Variants in DIO2 observed in about 807,000 individuals in gnomAD.
DIO2 encodes the protein type II iodothyronine deiodinase.
Under a neutral mutation model 21.4 loss-of-function variants are expected in DIO2, and 19 were observed. That is an observed-to-expected ratio of 0.89 (90% CI 0.62 to 1.30). DIO2 has a LOEUF of 1.30. Ranked by LOEUF, DIO2 falls within the 50% of genes most tolerant of loss-of-function variation. The pLI is 0.00. For synonymous variants in DIO2, 122 were observed against 132.9 expected, an observed-to-expected ratio of 0.92 and a Z score of 0.57; for missense variants, 302 against 338.1, an observed-to-expected ratio of 0.89 and a Z score of 0.84.
At chr14:80,209,990 T>TA (rs1303485586) in intron 1 of DIO2, among the ~76,000 whole-genome samples, 5 of 152,186 alleles carry the variant, frequency 3.3e-5, no homozygotes, top group African/African-American at 1.2e-4. Context: ...GCGTCTCTAT[T>TA]ATTTCGAGTT....
intron 2 of DIO2, among the ~76,000 whole-genome samples, chr14:80,222,154 A>C (rs1468107393): frequency 2.6e-5 from 4 of 152,226 alleles, no homozygotes; most frequent in African/African-American, 9.6e-5. Context: ...ATGTACATTA[A>C]ATTTTGTAGG....
chr14:80,228,620 G>A (rs1888624772), intron 2 of DIO2, among the ~76,000 whole-genome samples: 1 of 152,198 alleles, frequency 6.6e-6, no homozygotes, highest in Admixed American at 6.5e-5. Context: ...ATTCTATTTG[G>A]CTTTTCCCAC....
Position 80,221,517 on chromosome 14 carries a change from C to T in DIO2, c.-277-4780G>A, listed in dbSNP as rs1339288671. The stretch of plus-strand genomic sequence containing the variant: ...TTTTTAATGGTATGCAGTACACATG[C>T]TGACTCAGAGTAAGATTGCTTTCTA... On this transcript the variant is annotated intron_variant, in intron 2 of 4. Transcript: ENST00000553594. Among the ~76,000 whole-genome samples, 4 of 152,222 alleles carry T rather than the reference C, an allele frequency of 2.6e-5. No homozygotes were observed. The South Asian group carries it at 6.2e-4, about 24-fold the overall frequency.
chr14:80,224,186 C>A (rs1594883069), intron 2 of DIO2, among the ~76,000 whole-genome samples: 1 of 152,020 alleles, frequency 6.6e-6, no homozygotes, highest in African/African-American at 2.4e-5. Flanking sequence ...AACCAATACT[C>A]GGGGAAGGGT....
intron 1 of DIO2, chr14:80,205,613 T>A (rs1407543048): frequency 2.0e-5 from 26 of 1,330,114 alleles, no homozygotes; most frequent in Non-Finnish European, 2.6e-5. Flanking sequence ...TGCAGTAAAT[T>A]TTCTTGGAAA....
upstream of DIO2, chr14:80,216,104 T>G (rs1033774951): frequency 6.6e-6 from 1 of 152,272 alleles, no homozygotes; most frequent in Admixed American, 6.5e-5. Context: ...TGTTAATGCA[T>G]TCTTCCCTCA....
Position 80,200,954 on chromosome 14 carries a change from C to T in DIO2, c.*1735G>A, listed in dbSNP as rs1745556259. The stretch of plus-strand genomic sequence containing the variant: ...CTATCCATTTTATTTATTTTTTATT[C>T]AGTTATTAATGGAATGGACAAAAGA... On this transcript the variant is annotated 3_prime_UTR_variant, in exon 2 of 2. Transcript: ENST00000438257. The T allele has an allele frequency of 6.6e-6, 1 of 151,486 alleles. No homozygotes were observed. The highest frequency in any genetic ancestry group is 1.5e-5 in the Non-Finnish European group (1 of 67,888). 9.4% of individuals were successfully genotyped at this position (151,486 alleles called of 1,614,324 possible).
intron 1 of DIO2, among the ~76,000 whole-genome samples, chr14:80,206,951 A>G (rs1360080931): frequency 6.6e-6 from 1 of 152,192 alleles, no homozygotes; most frequent in Non-Finnish European, 1.5e-5. Flanking sequence ...AAGAAGCATC[A>G]TTTCCACTAA....
At chr14:80,212,506 A>G (rs1431766088), upstream of DIO2, among the ~76,000 whole-genome samples, 2 of 152,198 alleles carry the variant, frequency 1.3e-5, no homozygotes, top group African/African-American at 2.4e-5. Context: ...TCTTCTGATT[A>G]TCATTATCAT....
upstream of DIO2, chr14:80,211,536 A>T: frequency 1.3e-4 from 34 of 258,760 alleles, no homozygotes; most frequent in East Asian, 6.2e-4. Flanking sequence ...CTTATTTAAA[A>T]GGGGGGTGGT....
chr14:80,205,179 G>A (rs1341806569), intron 1 of DIO2, among the ~76,000 whole-genome samples: 2 of 151,990 alleles, frequency 1.3e-5, no homozygotes, highest in African/African-American at 2.4e-5. Flanking sequence ...CTTTTAAGCC[G>A]TGAGTTCTTT....
upstream of DIO2, among the ~76,000 whole-genome samples, chr14:80,215,127 A>G (rs1348578929): frequency 1.3e-5 from 2 of 152,218 alleles, no homozygotes. Context: ...AGCAATCAAC[A>G]TGTAATGAGT....
chr14:80,225,739 G>T (rs1376461244), intron 2 of DIO2, among the ~76,000 whole-genome samples: 2 of 152,106 alleles, frequency 1.3e-5, no homozygotes, highest in Non-Finnish European at 2.9e-5. Flanking sequence ...GTCCTGCCTG[G>T]ATTGGGCTGT....
intron 2 of DIO2, chr14:80,216,878 A>T (rs1013856794): frequency 5.9e-5 from 9 of 152,206 alleles, no homozygotes; most frequent in African/African-American, 2.2e-4. Flanking sequence ...TTAAAATAAA[A>T]TAGGTCATTC....
intron 1 of DIO2, among the ~76,000 whole-genome samples, chr14:80,210,923 A>T (rs772326842): frequency 6.6e-6 from 1 of 152,212 alleles, no homozygotes; most frequent in Non-Finnish European, 1.5e-5. Context: ...TAAATGCAGC[A>T]GTCTCCTCTT....
In DIO2 at chr14:80,201,079, C is replaced by T. The variant is rs1056410048; in HGVS notation, c.*1610G>A. Reference sequence around the variant, plus strand: ...ATGATACGAAAGTGGTTGGTCCATTCTTTTGGGAGCTATAATCTTTAAATA... The same window carrying T: ...ATGATACGAAAGTGGTTGGTCCATTTTTTTGGGAGCTATAATCTTTAAATA... On this transcript the variant is annotated 3_prime_UTR_variant, in exon 2 of 2. Transcript: ENST00000438257. 2 of 151,716 alleles carry T rather than the reference C, an allele frequency of 1.3e-5. No individual in the cohort carries two copies. The highest frequency in any genetic ancestry group is 2.9e-5 in the Non-Finnish European group (2 of 67,936). 9.4% of individuals were successfully genotyped at this position (151,716 alleles called of 1,614,324 possible). A position where few individuals can be genotyped will look rare whatever the true frequency, so the allele number is the denominator to read the frequency against.
Position 80,203,205 on chromosome 14 carries a change from G to T in DIO2, c.306C>A (p.Thr102=), listed in dbSNP as rs758224695. Residue 102 remains threonine (T), a synonymous_variant, in exon 2 of 2, where the codon ACC becomes ACA. Coordinates refer to ENST00000438257, the MANE Select transcript of DIO2 (RefSeq NM_013989.5). ...TGGCTCCCTCAGCTATCTTCTCCTG[G>T]GTACCATTGCCACTGTTGTCACCTC... ...TEGGDNSGNG[T]QEKIAEGATC... The T allele has an allele frequency of 6.2e-7, 1 of 1,609,490 alleles. No homozygotes were observed.
chr14:80,227,186 A>G (rs1301454052), intron 2 of DIO2, among the ~76,000 whole-genome samples: 1 of 152,096 alleles, frequency 6.6e-6, no homozygotes, highest in Non-Finnish European at 1.5e-5. Flanking sequence ...ATGCACAACC[A>G]TCTGTGAACC....
intron 1 of DIO2, among the ~76,000 whole-genome samples, chr14:80,207,822 T>C (rs1164728382): frequency 1.3e-5 from 2 of 152,222 alleles, no homozygotes; most frequent in Admixed American, 6.5e-5. Flanking sequence ...CCCAATGTTT[T>C]ATCCAAGTGA....
Sources: allele counts gnomAD v4.1 joint callset (sites outside exome capture counted in the v4.1 genomes callset), GRCh38; gene constraint gnomAD v4.1.1; transcripts MANE v1.5; gene names NCBI Gene and HGNC (gene_info 2026-07-23, HGNC 2026-07-21).